NEK2: variants seen among roughly 807,000 people sequenced by gnomAD.
NEK2 encodes NIMA related kinase 2.
A neutral mutation model predicts 54.1 loss-of-function variants in NEK2; 28 were observed. The ratio of observed to expected loss-of-function variants is 0.52; its 90% CI spans 0.38 to 0.71. The LOEUF (loss-of-function observed/expected upper bound fraction) is 0.71. NEK2 is among the 30% of genes least tolerant of loss of function. The probability of loss-of-function intolerance (pLI) is 0.00; values close to 1 mark genes in which losing one functional copy is unlikely to be tolerated. For synonymous variants in NEK2, 176 were observed against 193.1 expected (o/e 0.91, Z 0.73); for missense variants, 407 against 531.5 (o/e 0.77, Z 2.30).
chr1:211,671,265 G>A lies in NEK2; in HGVS notation c.575C>T (p.Ser192Phe). ...YMSPEQMNRM[S>F]YNEKSDIWSL... ...CCAGATATCTGATTTCTCATTGTAG[G>A]ACATGCGATTCATTTGTTCCTATAC... The change falls in exon 4 of 8, where the codon TCC (serine) becomes TTC (phenylalanine). Residue 192 changes from serine to phenylalanine, a missense_variant. Transcript: ENST00000366999. 1 of 1,613,312 alleles carries A rather than the reference G, an allele frequency of 6.2e-7. No individual in the cohort carries two copies. The highest frequency in any genetic ancestry group is 2.2e-5 in the East Asian group (1 of 44,848).
At chr1:211,660,912 TC>T (rs1655003528), downstream of NEK2, 1 of 738,126 alleles carries the variant, frequency 1.4e-6, no homozygotes. Flanking sequence ...AGCAGATCTG[TC>T]CCCAGTGGGT....
chr1:211,670,832 G>A (rs1270407969), intron 4 of NEK2, among the ~76,000 whole-genome samples: 1 of 152,182 alleles, frequency 6.6e-6, no homozygotes, highest in East Asian at 1.9e-4. Flanking sequence ...AAGAATTGGA[G>A]CTCTTCCCTG....
chr1:211,672,183 A>G (rs1476530923), intron 3 of NEK2, among the ~76,000 whole-genome samples: 1 of 152,244 alleles, frequency 6.6e-6, no homozygotes, highest in Non-Finnish European at 1.5e-5. Context: ...ATATTTCTTC[A>G]TCTTTATCTG....
chr1:211,675,404 G>T lies in NEK2; in HGVS notation c.76C>A (p.Arg26=), dbSNP rs370861680. The T allele has an allele frequency of 1.2e-6, 2 of 1,613,840 alleles. No homozygotes were observed. Among genetic ancestry groups the T allele is most frequent in the East Asian group, 2.2e-5 (1 of 44,868 alleles). ...CTCACCTTGCCATCACTCTTCCTCC[G>T]GATCTTCTGGCAGCGGCCGTAGGAG... is the stretch of plus-strand genomic sequence containing the variant. The part of the protein sequence containing the change: ...TGSYGRCQKI[R]RKSDGKILVW... The change falls in exon 1 of 8, where the codon CGG becomes AGG. Residue 26 remains arginine, a synonymous_variant. Coordinates refer to ENST00000366999, the MANE Select transcript of NEK2 (RefSeq NM_002497.4).
rs1170114031 is a variant in NEK2 at position 211,675,380 on chromosome 1, T to C, written c.96+4A>G. 6.2e-7 allele frequency: 1 copy of C among 1,613,242 alleles called. No homozygotes were observed. Among genetic ancestry groups the C allele is most frequent in the Admixed American group, 1.7e-5 (1 of 59,982 alleles). The stretch of plus-strand genomic sequence containing the variant: ...GGCAGGCGCAGGGTAGGTCCCACGC[T>C]CACCTTGCCATCACTCTTCCTCCGG... On this transcript the variant is annotated splice_donor_region_variant and intron_variant, in intron 1 of 7. Coordinates refer to ENST00000366999, the MANE Select transcript of NEK2 (RefSeq NM_002497.4).
At chr1:211,663,699 T>A (rs775589732) in intron 7 of NEK2, 47 bp from the exon 8 acceptor site, 2 of 1,541,962 alleles carry the variant, frequency 1.3e-6, no homozygotes, top group African/African-American at 2.7e-5. Context: ...TGAACAGAGT[T>A]CAACTCCTTC....
chr1:211,667,784 G>A (rs1028774146), intron 6 of NEK2, among the ~76,000 whole-genome samples: 9 of 152,248 alleles, frequency 5.9e-5, no homozygotes, highest in Middle Eastern at 3.4e-3. Flanking sequence ...AGTGGCTCAC[G>A]CCTGTAATCC....
chr1:211,660,386 C>A, downstream of NEK2: 1 of 639,894 alleles, frequency 1.6e-6, no homozygotes, highest in Non-Finnish European at 3.0e-6. Flanking sequence ...TCCTTCTGCC[C>A]CTAATTCTCC....
At position 211,667,346 on chromosome 1, in the gene NEK2, T is replaced by C. The variant is rs112399624; in HGVS notation, c.986-115A>G. The C allele has an allele frequency of 4.1e-6, 4 of 984,810 alleles. No homozygotes were observed. In the South Asian group the frequency reaches 6.1e-5, roughly 15 times the overall value. 61.0% of individuals were successfully genotyped at this position (984,810 alleles called of 1,614,324 possible). On this transcript the variant is annotated intron_variant, in intron 6 of 7. Transcript: ENST00000366999. ...CATGCCTGATACTGATAAGCAATGT[T>C]TGGGGAAAGGATTCTCACTATGCCT...
chr1:211,671,927 C>T (rs1469101073), intron 3 of NEK2, among the ~76,000 whole-genome samples: 1 of 152,170 alleles, frequency 6.6e-6, no homozygotes, highest in East Asian at 1.9e-4. Flanking sequence ...ATTACAAGGG[C>T]AGGAGGGAAA....
At chr1:211,670,472 A>C in intron 4 of NEK2, 65 bp from the exon 5 acceptor site, 1 of 1,510,128 alleles carries the variant, frequency 6.6e-7, no homozygotes, top group Non-Finnish European at 9.0e-7. Flanking sequence ...GAAAATATAC[A>C]ATAGGAACTA....
At chr1:211,669,907 A>C (rs1370403746) in intron 5 of NEK2, among the ~76,000 whole-genome samples, 1 of 152,092 alleles carries the variant, frequency 6.6e-6, no homozygotes, top group African/African-American at 2.4e-5. Context: ...TCTGGTCTTT[A>C]ATCTCTCAAT....
downstream of NEK2, chr1:211,661,152 C>T (rs1330617872): frequency 1.6e-5 from 12 of 741,250 alleles, no homozygotes; most frequent in Non-Finnish European, 3.0e-5. Flanking sequence ...CTCTGGGTGC[C>T]CCATCTCATC....
downstream of NEK2, among the ~76,000 whole-genome samples, chr1:211,659,175 G>A (rs953233175): frequency 1.3e-5 from 2 of 150,232 alleles, no homozygotes; most frequent in Non-Finnish European, 3.0e-5. Context: ...ATAGCAAATT[G>A]TAAAAAAGAA....
At chr1:211,661,927 T>A (rs995000689), downstream of NEK2, among the ~76,000 whole-genome samples, 2 of 152,186 alleles carry the variant, frequency 1.3e-5, no homozygotes, top group African/African-American at 4.8e-5. Flanking sequence ...ACTTTTCACC[T>A]GAAAAGTCGC....
downstream of NEK2, among the ~76,000 whole-genome samples, chr1:211,661,870 G>A (rs1465814137): frequency 2.6e-5 from 4 of 152,164 alleles, no homozygotes; most frequent in African/African-American, 9.7e-5. Context: ...TCATGAAGGA[G>A]CAGAATTTGT....
Position 211,663,468 on chromosome 1 carries a change from T to C in NEK2, c.1296A>G (p.Lys432=). The change falls in exon 8 of 8, where the codon AAA becomes AAG. Residue 432 remains lysine, a synonymous_variant. Transcript: ENST00000366999. The stretch of plus-strand genomic sequence containing the variant: ...TCTGTCTGCTTTTCAGTTGGTAATT[T>C]TTCTCAATATCTGACAGGGCTTGAG... ...LRAQALSDIE[K]NYQLKSRQIL... The C allele has an allele frequency of 6.2e-7, 1 of 1,613,880 alleles. No individual in the cohort carries two copies. The highest frequency in any genetic ancestry group is 1.3e-5 in the African/African-American group (1 of 75,044).
chr1:211,669,325 T>C lies in NEK2; in HGVS notation c.773A>G (p.His258Arg). Residue 258 changes from histidine to arginine, a missense_variant, in exon 6 of 8, where the codon CAT (histidine) becomes CGT (arginine). Physicochemically the swap from His to Arg is conservative, Grantham distance 29. Coordinates refer to ENST00000366999, the MANE Select transcript of NEK2 (RefSeq NM_002497.4). ...AAGAATTTCTTCAACAGAAGGTCGA[T>C]GGTAATCCTGGGGAAAAAATACTCA... Reference protein sequence around the residue: ...ITRMLNLKDYHRPSVEEILEN... With the variant: ...ITRMLNLKDYRRPSVEEILEN... 1 of 1,613,976 alleles carries C rather than the reference T, an allele frequency of 6.2e-7. No homozygotes were observed. The highest frequency in any genetic ancestry group is 8.5e-7 in the Non-Finnish European group (1 of 1,179,900).
chr1:211,659,428 T>G (rs1288870027), downstream of NEK2, among the ~76,000 whole-genome samples: 1 of 152,196 alleles, frequency 6.6e-6, no homozygotes, highest in Non-Finnish European at 1.5e-5. Flanking sequence ...ATTTTCTACA[T>G]GGTGCTGTTC....
Sources: gnomAD v4.1 joint callset for allele counts (sites outside exome capture counted in the v4.1 genomes callset) on GRCh38, gnomAD v4.1.1 for gene constraint, MANE v1.5 for transcripts, NCBI Gene and HGNC (gene_info 2026-07-23, HGNC 2026-07-21) for gene names.